The following DPP4 variants were observed in gnomAD, a reference collection of about 807,000 sequenced individuals.
DPP4 encodes the protein ADCP-2.
In DPP4, 93 loss-of-function variants were observed where a neutral mutation model predicts 122.4. That is an observed-to-expected ratio of 0.76 (90% CI 0.64 to 0.90). The LOEUF is 0.90. Ranked by LOEUF, DPP4 falls within the 40% of genes least tolerant of loss-of-function variation. The probability of loss-of-function intolerance (pLI) is 0.00; values close to 1 mark genes in which losing one functional copy is unlikely to be tolerated. For missense variants in DPP4, 914 were observed against 907.3 expected (o/e 1.01, Z -0.09); for synonymous variants, 321 against 302.9 (o/e 1.06, Z -0.62).
chr2:162,040,985 T>C (rs1683964566), intron 5 of DPP4, among the ~76,000 whole-genome samples: 1 of 152,054 alleles, frequency 6.6e-6, no homozygotes, highest in Non-Finnish European at 1.5e-5. Flanking sequence ...ATGGTATCAT[T>C]GAGTGAGAAA....
intron 4 of DPP4, among the ~76,000 whole-genome samples, chr2:162,046,279 G>A (rs977876892): frequency 6.6e-6 from 1 of 152,120 alleles, no homozygotes; most frequent in Admixed American, 6.6e-5. Context: ...ACTGTCCAGT[G>A]GAAATGGAAA....
At chr2:162,055,408 G>T (rs1180080296) in intron 2 of DPP4, among the ~76,000 whole-genome samples, 1 of 152,152 alleles carries the variant, frequency 6.6e-6, no homozygotes, top group Non-Finnish European at 1.5e-5. Flanking sequence ...ATAGAACACT[G>T]TGGTACAGCT....
chr2:162,072,202 A>G (rs1039486649), intron 2 of DPP4, among the ~76,000 whole-genome samples: 2 of 152,350 alleles, frequency 1.3e-5, no homozygotes, highest in African/African-American at 4.8e-5. Context: ...TGTAAGCCCT[A>G]TATTTATCAA....
chr2:162,068,929 A>C (rs1190446380), intron 2 of DPP4, among the ~76,000 whole-genome samples: 2 of 152,138 alleles, frequency 1.3e-5, no homozygotes, highest in Non-Finnish European at 2.9e-5. Context: ...TGAGGCCTCT[A>C]GCTAACAGGC....
intron 10 of DPP4, among the ~76,000 whole-genome samples, chr2:162,028,510 C>T (rs1030911347): frequency 1.3e-5 from 2 of 152,174 alleles, no homozygotes; most frequent in African/African-American, 4.8e-5. Flanking sequence ...CAGGCCAATA[C>T]TGAGTAGCTT....
chr2:162,029,056 G>T (rs962339772), intron 10 of DPP4, among the ~76,000 whole-genome samples: 2 of 152,170 alleles, frequency 1.3e-5, no homozygotes, highest in African/African-American at 4.8e-5. Context: ...TAGAGAGCTT[G>T]TGTGTAAACT....
At position 162,074,080 on chromosome 2, in the gene DPP4, G is replaced by C. The variant is rs1233481004; in HGVS notation, c.-99C>G. The C allele has an allele frequency of 3.3e-6, 5 of 1,511,950 alleles. No individual in the cohort carries two copies. The allele number at this position is 1,511,950 out of a possible 1,614,324, so 93.7% of individuals were successfully genotyped here. A position where few individuals can be genotyped will look rare whatever the true frequency, so the allele number is the denominator to read the frequency against. On this transcript the variant is annotated 5_prime_UTR_variant, in exon 1 of 26. Coordinates refer to ENST00000360534, the MANE Select transcript of DPP4 (RefSeq NM_001935.4). ...GCGTCCTGCACCGCTGCTCCGGGCG[G>C]TGGAGTCACTCGCCGCTGGCAAGTT...
chr2:162,005,851 A>G (rs1222581626), intron 22 of DPP4, 42 bp from the exon 23 acceptor site: 14 of 1,544,922 alleles, frequency 9.1e-6, no homozygotes, highest in Non-Finnish European at 3.5e-6. Flanking sequence ...AATTCATACA[A>G]TAACAACTTT....
intron 23 of DPP4, among the ~76,000 whole-genome samples, chr2:161,997,674 T>C (rs528610331): frequency 6.6e-6 from 1 of 152,350 alleles, no homozygotes; most frequent in South Asian, 2.1e-4. Flanking sequence ...TAACATTCAA[T>C]TGAGCATTTA....
At chr2:162,039,110 A>G in intron 6 of DPP4, 22 bp downstream of exon 6, 1 of 1,612,500 alleles carries the variant, frequency 6.2e-7, no homozygotes, top group Non-Finnish European at 8.5e-7. Context: ...AGCCTAATAG[A>G]TTTTATTGGG....
chr2:162,024,704 C>T, intron 11 of DPP4, 100 bp downstream of exon 11: 3 of 1,463,932 alleles, frequency 2.0e-6, no homozygotes, highest in Non-Finnish European at 1.8e-6. Context: ...AAGAGAAACT[C>T]AAACTTCATT....
At chr2:162,028,861 C>T (rs1217808176) in intron 10 of DPP4, among the ~76,000 whole-genome samples, 1 of 152,162 alleles carries the variant, frequency 6.6e-6, no homozygotes, top group African/African-American at 2.4e-5. Flanking sequence ...AAGTAACTTG[C>T]CCACTATCGC....
At chr2:162,059,901 T>C (rs1684703551) in intron 2 of DPP4, among the ~76,000 whole-genome samples, 1 of 152,240 alleles carries the variant, frequency 6.6e-6, no homozygotes, top group South Asian at 2.1e-4. Context: ...CGCATTCTTA[T>C]GGTGTTCTTC....
intron 23 of DPP4, among the ~76,000 whole-genome samples, chr2:162,005,120 G>T (rs1288523858): frequency 6.6e-6 from 1 of 152,170 alleles, no homozygotes; most frequent in Non-Finnish European, 1.5e-5. Flanking sequence ...CTAGCACATG[G>T]GGGCTGTCAA....
chr2:162,073,866 C>T (rs1163196115), intron 1 of DPP4, 110 bp downstream of exon 1: 1 of 1,457,310 alleles, frequency 6.9e-7, no homozygotes, highest in Non-Finnish European at 9.3e-7. Context: ...TTGGGGCTTC[C>T]GCCTAAGGGG....
chr2:162,042,381 G>A (rs1291500234), intron 5 of DPP4, among the ~76,000 whole-genome samples: 1 of 152,042 alleles, frequency 6.6e-6, no homozygotes. Context: ...AGACTGTGGG[G>A]GTACTTATCC....
chr2:162,014,295 G>A (rs1006219266), intron 19 of DPP4, 101 bp downstream of exon 19: 2 of 904,294 alleles, frequency 2.2e-6, no homozygotes, highest in Non-Finnish European at 3.5e-6. Context: ...GATCCAGGAA[G>A]AGGGAAAGGA....
chr2:162,068,374 T>C (rs568883174), intron 2 of DPP4, among the ~76,000 whole-genome samples: 2 of 152,376 alleles, frequency 1.3e-5, no homozygotes, highest in South Asian at 4.1e-4. Flanking sequence ...GAGTATCAGC[T>C]GTAGAGTCAC....
At chr2:161,995,229 C>T (rs1700970105) in intron 24 of DPP4, 71 bp downstream of exon 24, 13 of 1,448,280 alleles carry the variant, frequency 9.0e-6, no homozygotes, top group Middle Eastern at 1.7e-4. Flanking sequence ...GCCCCTCATG[C>T]TTTTGTTTTG....
Sources: gnomAD v4.1 joint callset for allele counts (sites outside exome capture counted in the v4.1 genomes callset) on GRCh38, gnomAD v4.1.1 for gene constraint, MANE v1.5 for transcripts, NCBI Gene and HGNC (gene_info 2026-07-23, HGNC 2026-07-21) for gene names.